The following CADM2 variants were observed in gnomAD, a reference collection of about 807,000 sequenced individuals.
CADM2 encodes cell adhesion molecule 2.
Under a neutral mutation model 49.8 loss-of-function variants are expected in CADM2, and 12 were observed. The observed-to-expected ratio is 0.24, with a 90% CI of 0.15 to 0.39. CADM2 has a LOEUF of 0.39. CADM2 is among the 10% of genes least tolerant of loss of function. The pLI, the probability that CADM2 is intolerant of heterozygous loss-of-function variation, is 1.00. For synonymous variants in CADM2, 214 were observed against 175.4 expected (o/e 1.22, Z -1.74); for missense variants, 378 against 492.3 (o/e 0.77, Z 2.20).
At chr3:85,213,137 C>G (rs61262505) in intron 1 of CADM2, among the ~76,000 whole-genome samples, 9,965 of 152,010 alleles carry the variant, frequency 0.066, 1,072 homozygotes, top group African/African-American at 0.23. Context: ...CCTACCTTGG[C>G]TGCCCAAAGT....
chr3:85,522,746 A>G (rs1002846543), intron 1 of CADM2, among the ~76,000 whole-genome samples: 1 of 151,970 alleles, frequency 6.6e-6, no homozygotes, highest in African/African-American at 2.4e-5. Flanking sequence ...TCAAGTCTAA[A>G]ATAGGAAGGG....
At chr3:85,494,948 T>C (rs2107653744) in intron 1 of CADM2, among the ~76,000 whole-genome samples, 1 of 152,322 alleles carries the variant, frequency 6.6e-6, no homozygotes, top group South Asian at 2.1e-4. Context: ...ATGATTTATG[T>C]TATTTAAAGT....
chr3:85,588,913 A>C (rs1416851724), intron 1 of CADM2, among the ~76,000 whole-genome samples: 1 of 152,002 alleles, frequency 6.6e-6, no homozygotes, highest in Non-Finnish European at 1.5e-5. Flanking sequence ...CATTTCATCC[A>C]CTGCTGGAAG....
intron 1 of CADM2, among the ~76,000 whole-genome samples, chr3:85,233,274 T>G (rs2042338191): frequency 1.3e-5 from 2 of 152,022 alleles, no homozygotes; most frequent in South Asian, 4.1e-4. Flanking sequence ...ACAGGGTGGT[T>G]TTAGGTCAGT....
intron 1 of CADM2, among the ~76,000 whole-genome samples, chr3:85,012,996 T>C (rs1368005499): frequency 1.3e-5 from 2 of 151,838 alleles, no homozygotes; most frequent in African/African-American, 4.8e-5. Flanking sequence ...TAAAGTGCTT[T>C]TAAATTACCT....
chr3:85,999,189 G>T (rs1300566561), intron 8 of CADM2, among the ~76,000 whole-genome samples: 1 of 150,600 alleles, frequency 6.6e-6, no homozygotes, highest in East Asian at 2.0e-4. Flanking sequence ...GGCCAAGTGT[G>T]ATAACCTGAA....
rs73128361 is a variant in CADM2, at chr3:85,512,415, C to G, written c.62-214107C>G. Among the ~76,000 whole-genome samples the G allele has an allele frequency of 3.3e-3, 494 of 151,872 alleles. 1 individual carries two copies. Among genetic ancestry groups the G allele is most frequent in the Admixed American group, 4.3e-3 (65 of 15,216 alleles). Reference sequence around the variant, plus strand: ...ACCAGATTTTCTTTATCCAATAGACCGTTGATTTCATGTCTTTGTTATTGT... The same window carrying G: ...ACCAGATTTTCTTTATCCAATAGACGGTTGATTTCATGTCTTTGTTATTGT... On this transcript the variant is annotated intron_variant, in intron 1 of 9. Transcript: ENST00000383699.
intron 2 of CADM2, among the ~76,000 whole-genome samples, chr3:85,749,274 TACTA>T (rs2107852741): frequency 6.6e-6 from 1 of 152,020 alleles, no homozygotes; most frequent in African/African-American, 2.4e-5. Context: ...TAATTAGTAA[TACTA>T]AGTGCAGATG....
chr3:85,031,557 C>T (rs950071506), intron 1 of CADM2, among the ~76,000 whole-genome samples: 1 of 152,102 alleles, frequency 6.6e-6, no homozygotes, highest in Non-Finnish European at 1.5e-5. Flanking sequence ...CTCTGTCGCC[C>T]GGGCTGGAGT....
intron 1 of CADM2, among the ~76,000 whole-genome samples, chr3:85,428,023 C>T (rs1452853236): frequency 1.3e-5 from 2 of 151,806 alleles, no homozygotes; most frequent in East Asian, 3.9e-4. Flanking sequence ...TAGTTAGGTA[C>T]TTATTCCTCT....
chr3:85,923,988 G>C (rs1719494431), intron 6 of CADM2, among the ~76,000 whole-genome samples: 1 of 151,828 alleles, frequency 6.6e-6, no homozygotes, highest in African/African-American at 2.4e-5. Context: ...ATCATAGTTG[G>C]GGATAATTGA....
intron 2 of CADM2, among the ~76,000 whole-genome samples, chr3:85,730,298 C>G (rs2067873327): frequency 6.6e-6 from 1 of 151,888 alleles, no homozygotes; most frequent in South Asian, 2.1e-4. Context: ...AAAAAATAGG[C>G]AGGTGTGGTG....
At chr3:85,488,260 T>G (rs1004637014) in intron 1 of CADM2, among the ~76,000 whole-genome samples, 2 of 152,164 alleles carry the variant, frequency 1.3e-5, no homozygotes, top group Non-Finnish European at 2.9e-5. Flanking sequence ...ATTAAATTAT[T>G]TTCCTCTAAT....
chr3:85,426,702 C>G (rs772804012), intron 1 of CADM2, among the ~76,000 whole-genome samples: 2 of 151,956 alleles, frequency 1.3e-5, no homozygotes, highest in Non-Finnish European at 2.9e-5. Context: ...CCCAGTTGTG[C>G]TTTCAAATGC....
chr3:86,050,602 G>A (rs1002595167), intron 8 of CADM2, among the ~76,000 whole-genome samples: 1 of 152,160 alleles, frequency 6.6e-6, no homozygotes, highest in African/African-American at 2.4e-5. Context: ...AGACATCCAG[G>A]CTTTTCCATA....
intron 1 of CADM2, among the ~76,000 whole-genome samples, chr3:85,691,813 A>T (rs2066396400): frequency 6.6e-6 from 1 of 152,238 alleles, no homozygotes; most frequent in African/African-American, 2.4e-5. Context: ...TGATGAGTTC[A>T]TGTCCTTTGT....
chr3:85,540,468 A>G (rs961975249), intron 1 of CADM2, among the ~76,000 whole-genome samples: 2 of 152,164 alleles, frequency 1.3e-5, no homozygotes, highest in Non-Finnish European at 1.5e-5. Flanking sequence ...TTGACTATAA[A>G]ATAAGTTAGA....
chr3:85,832,400 T>C (rs2074223354), intron 3 of CADM2, among the ~76,000 whole-genome samples: 1 of 151,968 alleles, frequency 6.6e-6, no homozygotes, highest in African/African-American at 2.4e-5. Flanking sequence ...TGTTGGTTGA[T>C]TTAGGCAGTA....
intron 8 of CADM2, among the ~76,000 whole-genome samples, chr3:85,963,957 A>G (rs1470142375): frequency 6.6e-6 from 1 of 151,926 alleles, no homozygotes; most frequent in Non-Finnish European, 1.5e-5. Flanking sequence ...GACACAAGTA[A>G]TGAGAGGCTC....
Sources: gnomAD v4.1 joint callset for allele counts (sites outside exome capture counted in the v4.1 genomes callset) on GRCh38, gnomAD v4.1.1 for gene constraint, MANE v1.5 for transcripts, NCBI Gene and HGNC (gene_info 2026-07-23, HGNC 2026-07-21) for gene names.